Variants in ANP32A observed in about 807,000 individuals in gnomAD.
The protein encoded by ANP32A is acidic leucine-rich nuclear phosphoprotein 32 family member A.
A neutral mutation model predicts 33.9 loss-of-function variants in ANP32A; 1 was observed. That is an observed-to-expected ratio of 0.03 (90% CI 0.01 to 0.14). The LOEUF (loss-of-function observed/expected upper bound fraction) is 0.14, where lower values mean the gene tolerates loss of function less well. Among genes scored for constraint, ANP32A ranks in the 10% least tolerant of loss-of-function variants. ANP32A has a pLI of 1.00. For synonymous variants in ANP32A, 115 were observed against 120.5 expected (o/e 0.95, Z 0.30); for missense variants, 155 against 306.0 (o/e 0.51, Z 3.68).
chr15:68,811,063 G>GA (rs34026847), intron 1 of ANP32A, among the ~76,000 whole-genome samples: 91,764 of 117,950 alleles, frequency 0.78, 38,582 homozygotes, highest in Non-Finnish European at 0.93. Flanking sequence ...CTCTGTCTGG[G>GA]AAAAAAAAAA....
intron 1 of ANP32A, among the ~76,000 whole-genome samples, chr15:68,808,120 T>C (rs1283954360): frequency 4.6e-5 from 7 of 152,238 alleles, no homozygotes; most frequent in Non-Finnish European, 8.8e-5. Context: ...CTGCTCCATT[T>C]TCCTCTAGTT....
At chr15:68,802,426 CTCT>C (rs750120083) in intron 1 of ANP32A, among the ~76,000 whole-genome samples, 7 of 152,086 alleles carry the variant, frequency 4.6e-5, no homozygotes, top group Non-Finnish European at 1.0e-4. Context: ...CATAAAAACC[CTCT>C]TCGTTTCTTC....
At chr15:68,794,380 C>T (rs1221652404) in intron 1 of ANP32A, among the ~76,000 whole-genome samples, 1 of 152,228 alleles carries the variant, frequency 6.6e-6, no homozygotes, top group East Asian at 1.9e-4. Flanking sequence ...GTTTTTCACA[C>T]TAACCCTGAC....
In ANP32A at chr15:68,805,908, T is replaced by C. The variant is rs561823079; in HGVS notation, c.54+14790A>G. Among the ~76,000 whole-genome samples, 79 of 152,272 alleles carry C rather than the reference T, an allele frequency of 5.2e-4. 1 individual carries two copies. The South Asian group carries it at 0.015, about 28-fold the overall frequency. On this transcript the variant is annotated intron_variant, in intron 1 of 6. Coordinates refer to ENST00000465139, the MANE Select transcript of ANP32A (RefSeq NM_006305.4). ...GAACAGAAGCCCCACAAGAGCAGCA[T>C]AGGTGATGTGTCTGTCTAGTTCCTA...
At chr15:68,787,053 TC>T in intron 3 of ANP32A, 1 of 246,560 alleles carries the variant, frequency 4.1e-6, no homozygotes, top group African/African-American at 2.2e-5. Flanking sequence ...GGATTGCTCC[TC>T]CCTTCCCAAA....
chr15:68,786,166 A>T (rs1893929456), intron 3 of ANP32A, among the ~76,000 whole-genome samples: 1 of 151,084 alleles, frequency 6.6e-6, no homozygotes, highest in African/African-American at 2.4e-5. Context: ...TCCCCTATAA[A>T]CCCAGAAGGG....
chr15:68,791,884 T>C (rs1894002498), intron 1 of ANP32A: 1 of 152,606 alleles, frequency 6.6e-6, no homozygotes, highest in Non-Finnish European at 1.5e-5. Flanking sequence ...AGCTGTGAAG[T>C]ATCTGAAATG....
At chr15:68,805,861 C>G (rs1160313921) in intron 1 of ANP32A, among the ~76,000 whole-genome samples, 1 of 152,168 alleles carries the variant, frequency 6.6e-6, no homozygotes, top group Non-Finnish European at 1.5e-5. Flanking sequence ...TGAAGGCTTA[C>G]TACTGACTGT....
Position 68,780,654 on chromosome 15 carries a change from A to G in ANP32A, c.625-181T>C, listed in dbSNP as rs1893856274. The stretch of plus-strand genomic sequence containing the variant: ...TTAATTTATTTCAGATCAAGGACTC[A>G]TTGGGAAATCTGCAGAAAGCTTTGA... On this transcript the variant is annotated intron_variant, in intron 5 of 6. Transcript: ENST00000465139. The surrounding 1 kb of genome is among the most constrained non-coding windows in gnomAD (Gnocchi z 4.3). 6.7e-6 allele frequency: 7 copies of G among 1,048,760 alleles called. No homozygotes were observed. In the South Asian group the frequency reaches 1.0e-4, roughly 15 times the overall value. 65.0% of individuals were successfully genotyped at this position (1,048,760 alleles called of 1,614,324 possible). A position where few individuals can be genotyped will look rare whatever the true frequency, so the allele number is the denominator to read the frequency against.
intron 1 of ANP32A, among the ~76,000 whole-genome samples, chr15:68,807,502 T>C (rs1453842001): frequency 7.0e-6 from 1 of 143,528 alleles, no homozygotes; most frequent in Non-Finnish European, 1.5e-5. Flanking sequence ...AGGCGAGGCC[T>C]CCTCCTGGGG....
chr15:68,807,426 A>AG (rs1256908259), intron 1 of ANP32A, among the ~76,000 whole-genome samples: 1 of 32,936 alleles, frequency 3.0e-5, no homozygotes, highest in Non-Finnish European at 2.1e-4. Context: ...TCCACAGAAA[A>AG]CGGGGGGGGG....
chr15:68,803,131 G>A (rs1020352999), intron 1 of ANP32A, among the ~76,000 whole-genome samples: 1 of 152,156 alleles, frequency 6.6e-6, no homozygotes, highest in Non-Finnish European at 1.5e-5. Flanking sequence ...GGAACATTCC[G>A]ACACACAAGG....
chr15:68,807,428 G>GGA (rs1555424025), intron 1 of ANP32A, among the ~76,000 whole-genome samples: 1 of 17,688 alleles, frequency 5.7e-5, no homozygotes, highest in Non-Finnish European at 2.7e-3. Flanking sequence ...CACAGAAAAC[G>GGA]GGGGGGGGGG....
intron 1 of ANP32A, among the ~76,000 whole-genome samples, chr15:68,814,380 C>T (rs984582506): frequency 6.6e-6 from 1 of 150,858 alleles, no homozygotes; most frequent in Non-Finnish European, 1.5e-5. Context: ...GGCAACACGG[C>T]AAAACCCCGT....
intron 5 of ANP32A, among the ~76,000 whole-genome samples, chr15:68,782,225 G>A (rs1246742254): frequency 6.6e-6 from 1 of 152,228 alleles, no homozygotes; most frequent in African/African-American, 2.4e-5. Flanking sequence ...GGAACCTGGA[G>A]GAGGGTGTGA....
chr15:68,796,942 C>T (rs932377290), intron 1 of ANP32A, among the ~76,000 whole-genome samples: 2 of 152,052 alleles, frequency 1.3e-5, no homozygotes, highest in East Asian at 1.9e-4. Flanking sequence ...CCGGAAAGAA[C>T]GTGGCCAATT....
chr15:68,820,198 G>C (rs900032358), intron 1 of ANP32A, among the ~76,000 whole-genome samples: 10 of 152,102 alleles, frequency 6.6e-5, no homozygotes, highest in Non-Finnish European at 2.9e-5. Flanking sequence ...GCGAGCGAGC[G>C]AGAGAAAGGG....
intron 1 of ANP32A, among the ~76,000 whole-genome samples, chr15:68,803,574 C>T (rs1894168149): frequency 6.6e-6 from 1 of 152,178 alleles, no homozygotes; most frequent in Admixed American, 6.5e-5. Flanking sequence ...GTATGCTTCT[C>T]ACCTGCGTGC....
chr15:68,820,851 C>A lies in ANP32A; in HGVS notation c.-100G>T, dbSNP rs886147889. The A allele has an allele frequency of 2.1e-6, 3 of 1,426,078 alleles. No homozygotes were observed. Among genetic ancestry groups the A allele is most frequent in the Non-Finnish European group, 2.9e-6 (3 of 1,022,672 alleles). The allele number at this position is 1,426,078 out of a possible 1,614,324, so 88.3% of individuals were successfully genotyped here. ...CGTTTTAGGACTTTGAAGGCTCAAC[C>A]AGCTCCGCTCGGTTCTCGAGCCCCC... On this transcript the variant is annotated 5_prime_UTR_variant, in exon 1 of 7. Coordinates refer to ENST00000465139, the MANE Select transcript of ANP32A (RefSeq NM_006305.4).
Sources: allele counts gnomAD v4.1 joint callset (sites outside exome capture counted in the v4.1 genomes callset), GRCh38; gene constraint gnomAD v4.1.1; non-coding constraint Gnocchi (gnomAD v3.1); transcripts MANE v1.5; gene names NCBI Gene and HGNC (gene_info 2026-07-23, HGNC 2026-07-21).